The following RSPH14 variants were observed in gnomAD, a reference collection of about 807,000 sequenced individuals.
RSPH14 encodes radial spoke head 14 homolog.
RSPH14 carries 20 observed loss-of-function variants against 26.7 expected under a neutral mutation model. That is an observed-to-expected ratio of 0.75 (90% CI 0.53 to 1.09). The LOEUF (loss-of-function observed/expected upper bound fraction) is 1.09. Ranked by LOEUF, RSPH14 falls within the 50% of genes least tolerant of loss-of-function variation. The pLI, the probability that RSPH14 is intolerant of heterozygous loss-of-function variation, is 0.00. For missense variants in RSPH14, 449 were observed against 457.2 expected (o/e 0.98, Z 0.16); for synonymous variants, 177 against 189.3 (o/e 0.93, Z 0.53).
At chr22:23,142,077 AC>A, upstream of RSPH14, 1 of 979,420 alleles carries the variant, frequency 1.0e-6, no homozygotes, top group Non-Finnish European at 1.2e-6. Flanking sequence ...ATCAGCACCC[AC>A]TGCGCAGGCG....
At chr22:23,112,852 A>T (rs991824437) in intron 4 of RSPH14, among the ~76,000 whole-genome samples, 3 of 152,274 alleles carry the variant, frequency 2.0e-5, no homozygotes, top group Non-Finnish European at 4.4e-5. Flanking sequence ...TGGACCCATC[A>T]GGAAGGCAGG....
At chr22:23,129,797 G>T (rs931600931) in intron 4 of RSPH14, among the ~76,000 whole-genome samples, 5 of 151,962 alleles carry the variant, frequency 3.3e-5, no homozygotes, top group African/African-American at 1.2e-4. Flanking sequence ...GCACACGCCT[G>T]TAGTCCCAGC....
chr22:23,141,686 A>C (rs2146459719), intron 1 of RSPH14, among the ~76,000 whole-genome samples: 1 of 152,360 alleles, frequency 6.6e-6, no homozygotes, highest in Admixed American at 6.5e-5. Context: ...CCAGATGCTC[A>C]CGCGGGACAC....
At chr22:23,112,328 CT>C (rs2069679784) in intron 4 of RSPH14, among the ~76,000 whole-genome samples, 1 of 152,220 alleles carries the variant, frequency 6.6e-6, no homozygotes, top group Non-Finnish European at 1.5e-5. Flanking sequence ...ACACCAGGCT[CT>C]AGGGCCCAGT....
intron 4 of RSPH14, among the ~76,000 whole-genome samples, chr22:23,088,594 A>AGT (rs1418780682): frequency 6.6e-6 from 1 of 152,168 alleles, no homozygotes; most frequent in Non-Finnish European, 1.5e-5. Context: ...GGACAGGGTG[A>AGT]GTGGCAGGTA....
chr22:23,090,829 C>G (rs1208886432), intron 4 of RSPH14, among the ~76,000 whole-genome samples: 2 of 152,190 alleles, frequency 1.3e-5, no homozygotes, highest in Admixed American at 1.3e-4. Flanking sequence ...TATTTACTGC[C>G]TGTAGTCTGA....
intron 4 of RSPH14, chr22:23,123,557 G>C: frequency 1.6e-6 from 1 of 627,230 alleles, no homozygotes; most frequent in South Asian, 2.0e-5. Flanking sequence ...CCACCCCTTG[G>C]CCTCTGCCTC....
chr22:23,086,336 C>G (rs2068819810), intron 4 of RSPH14, among the ~76,000 whole-genome samples: 1 of 152,212 alleles, frequency 6.6e-6, no homozygotes, highest in African/African-American at 2.4e-5. Flanking sequence ...ATTTCTACAG[C>G]CGTAAAGCCG....
the RSPH14 span, among the ~76,000 whole-genome samples, chr22:23,171,119 C>T: frequency 2.6e-5 from 4 of 152,102 alleles, no homozygotes; most frequent in Non-Finnish European, 5.9e-5. Context: ...AGGCGTGCAC[C>T]ACCACGCCCA....
chr22:23,156,000 G>A, the RSPH14 span: 5 of 1,613,022 alleles, frequency 3.1e-6, no homozygotes, highest in South Asian at 5.5e-5. Context: ...AAGTTCAAGT[G>A]CATCGCATCT....
At chr22:23,102,264 C>A (rs988128861) in intron 4 of RSPH14, among the ~76,000 whole-genome samples, 3 of 152,208 alleles carry the variant, frequency 2.0e-5, no homozygotes, top group Non-Finnish European at 4.4e-5. Context: ...AGGCTTTATG[C>A]GTGACCCCAT....
intron 4 of RSPH14, among the ~76,000 whole-genome samples, chr22:23,084,741 G>A (rs1288297276): frequency 2.6e-5 from 4 of 152,218 alleles, no homozygotes; most frequent in Admixed American, 6.5e-5. Flanking sequence ...TGGGGAGCTG[G>A]ACAGAGAGCC....
At chr22:23,159,667 C>G in the RSPH14 span, among the ~76,000 whole-genome samples, 18 of 152,250 alleles carry the variant, frequency 1.2e-4, no homozygotes, top group Non-Finnish European at 2.6e-4. Context: ...TCACCTGTAA[C>G]CACTGCACTA....
intron 4 of RSPH14, among the ~76,000 whole-genome samples, chr22:23,072,864 G>A (rs2068413988): frequency 6.6e-6 from 1 of 152,212 alleles, no homozygotes; most frequent in East Asian, 1.9e-4. Flanking sequence ...CCAGAACCTG[G>A]TGCAGGAGTA....
chr22:23,093,944 T>G (rs2069054851), intron 4 of RSPH14, among the ~76,000 whole-genome samples: 1 of 152,048 alleles, frequency 6.6e-6, no homozygotes, highest in Non-Finnish European at 1.5e-5. Flanking sequence ...GGACTAGTGG[T>G]CAAGGTCTGT....
intron 4 of RSPH14, among the ~76,000 whole-genome samples, chr22:23,064,728 G>C (rs751069826): frequency 6.6e-6 from 1 of 152,158 alleles, no homozygotes; most frequent in Non-Finnish European, 1.5e-5. Flanking sequence ...ATAGGCTCTC[G>C]TCTTCAAGGG....
At chr22:23,178,276 C>T in the RSPH14 span, among the ~76,000 whole-genome samples, 2 of 152,096 alleles carry the variant, frequency 1.3e-5, no homozygotes, top group Admixed American at 6.5e-5. Flanking sequence ...ACTAGCTGGG[C>T]GTGATGGCAG....
intron 6 of RSPH14, among the ~76,000 whole-genome samples, chr22:23,060,739 T>C (rs1221196567): frequency 1.3e-5 from 2 of 152,096 alleles, no homozygotes; most frequent in Non-Finnish European, 2.9e-5. Flanking sequence ...TCCCCTGTGT[T>C]TGCCCCACCC....
chr22:23,076,229 G>A (rs1263406268), intron 4 of RSPH14, among the ~76,000 whole-genome samples: 4 of 152,126 alleles, frequency 2.6e-5, no homozygotes, highest in Non-Finnish European at 5.9e-5. Context: ...CTTAGCACTC[G>A]CCACAGCGTG....
Sources: allele counts gnomAD v4.1 joint callset (sites outside exome capture counted in the v4.1 genomes callset), GRCh38; gene constraint gnomAD v4.1.1; transcripts MANE v1.5; gene names NCBI Gene and HGNC (gene_info 2026-07-23, HGNC 2026-07-21).